The following RNF32 variants were observed in gnomAD, a reference collection of about 807,000 sequenced individuals.
The protein encoded by RNF32 is ring finger protein 32.
In RNF32, 36 loss-of-function variants were observed where a neutral mutation model predicts 41.0. That is an observed-to-expected ratio of 0.88 (90% confidence interval 0.67 to 1.16). RNF32 has a LOEUF of 1.16. RNF32 is among the 50% of genes most tolerant of loss of function. The pLI is 0.00. For missense variants in RNF32, 413 were observed against 436.7 expected, an observed-to-expected ratio of 0.95 and a Z score of 0.48; for synonymous variants, 154 against 160.9, an observed-to-expected ratio of 0.96 and a Z score of 0.32.
chr7:156,655,005 G>T (rs561579687), intron 4 of RNF32: 32 of 230,588 alleles, frequency 1.4e-4, no homozygotes, highest in African/African-American at 7.2e-4. Flanking sequence ...CAACTGGGGG[G>T]CTTCCCAGGA....
In RNF32 at chr7:156,670,867, C is replaced by T. The variant is rs1802329963; in HGVS notation, c.685-4829C>T. Among the ~76,000 whole-genome samples the T allele has an allele frequency of 6.6e-6, 1 of 152,114 alleles. No homozygotes were observed. Among genetic ancestry groups the T allele is most frequent in the Non-Finnish European group, 1.5e-5 (1 of 68,034 alleles). On this transcript the variant is annotated intron_variant, in intron 7 of 8. Transcript: ENST00000317955. This position sits in a 1 kb window ranked among gnomAD's most constrained non-coding sequence, Gnocchi z 4.3. ...CCTTGCATGAGGAAGGAAAATGGCC[C>T]CAGACGGGAAATCTGAGATGTCAGT...
At chr7:156,662,710 G>A (rs1800816162) in intron 7 of RNF32, among the ~76,000 whole-genome samples, 1 of 151,816 alleles carries the variant, frequency 6.6e-6, no homozygotes, top group Non-Finnish European at 1.5e-5. Flanking sequence ...TGCAATAGAA[G>A]TGAAAATATA....
At position 156,675,733 on chromosome 7, in the gene RNF32, A is replaced by C. The variant is rs200222056; in HGVS notation, c.722A>C (p.Asn241Thr). The stretch of plus-strand genomic sequence containing the variant: ...AGCCACCGCATCCTGTGCTCATACA[A>C]CACCAACATTGAAGAGCTCTTTGCA... ...EISHRILCSY[N>T]TNIEELFAEI... The change falls in exon 8 of 9, where the codon AAC (asparagine) becomes ACC (threonine). Residue 241 changes from asparagine (N) to threonine (T), a missense_variant. Physicochemically the swap from Asn to Thr is moderately conservative, Grantham distance 65. Transcript: ENST00000317955. 1.7e-4 allele frequency: 276 copies of C among 1,613,926 alleles called. No homozygotes were observed. The highest frequency in any genetic ancestry group is 2.2e-4 in the Non-Finnish European group (258 of 1,179,980).
chr7:156,663,231 T>A (rs949166676), intron 7 of RNF32, among the ~76,000 whole-genome samples: 2 of 152,228 alleles, frequency 1.3e-5, no homozygotes, highest in African/African-American at 4.8e-5. Context: ...CACATTGTTT[T>A]AGAGAGTAAA....
Position 156,669,603 on chromosome 7 carries a change from T to C in RNF32, c.685-6093T>C, listed in dbSNP as rs1802013616. ...GGCCCTGAGCTGGGCGCTGAGCAGA[T>C]AGGTCATTTTCAAGAGGGCGACCCA... On this transcript the variant is annotated intron_variant, in intron 7 of 8. Coordinates refer to ENST00000317955, the MANE Select transcript of RNF32 (RefSeq NM_030936.4). This position sits in a 1 kb window ranked among gnomAD's most constrained non-coding sequence, Gnocchi z 4.2. Among the ~76,000 whole-genome samples the C allele has an allele frequency of 6.6e-6, 1 of 151,990 alleles. No individual in the cohort carries two copies. Among genetic ancestry groups the C allele is most frequent in the Non-Finnish European group, 1.5e-5 (1 of 67,982 alleles).
Position 156,676,993 on chromosome 7 carries a change from C to T in RNF32, c.*338C>T. ...AGTAAGTTCCAAATGTAAAACACTC[C>T]TTAAGTTCCAAATGTTTTCCGCTAA... is the stretch of plus-strand genomic sequence containing the variant. On this transcript the variant is annotated 3_prime_UTR_variant, in exon 9 of 9. Transcript: ENST00000317955. 1 of 224,144 alleles carries T rather than the reference C, an allele frequency of 4.5e-6. No individual in the cohort carries two copies. The highest frequency in any genetic ancestry group is 1.0e-4 in the East Asian group (1 of 9,932). 13.9% of individuals were successfully genotyped at this position (224,144 alleles called of 1,614,324 possible). A position where few individuals can be genotyped will look rare whatever the true frequency, so the allele number is the denominator to read the frequency against.
At chr7:156,643,764 C>A in intron 1 of RNF32, 37 bp from the exon 2 acceptor site, 1 of 964,038 alleles carries the variant, frequency 1.0e-6, no homozygotes, top group Non-Finnish European at 1.7e-6. Context: ...TTTCTGTGCA[C>A]TGTAACTTTG....
rs1802138673 is a variant in RNF32 at position 156,670,057 on chromosome 7, A to T, written c.685-5639A>T. On this transcript the variant is annotated intron_variant, in intron 7 of 8. Transcript: ENST00000317955. This position sits in a 1 kb window ranked among gnomAD's most constrained non-coding sequence, Gnocchi z 4.3. ...GTTTTTTTTATTTGCTGTTTATTTA[A>T]TGTTATTCTAAGAAAAAATTAAATT... 6.6e-6 allele frequency among the ~76,000 whole-genome samples: 1 copy of T among 152,144 alleles called. No homozygotes were observed. Among genetic ancestry groups the T allele is most frequent in the Non-Finnish European group, 1.5e-5 (1 of 68,014 alleles).
intron 7 of RNF32, among the ~76,000 whole-genome samples, chr7:156,667,882 A>G (rs1378839451): frequency 6.6e-6 from 1 of 152,228 alleles, no homozygotes; most frequent in Non-Finnish European, 1.5e-5. Flanking sequence ...TTTATTAATA[A>G]GCTAATGTCA....
At chr7:156,674,582 T>C (rs765742117) in intron 7 of RNF32, among the ~76,000 whole-genome samples, 2 of 152,144 alleles carry the variant, frequency 1.3e-5, no homozygotes, top group Non-Finnish European at 2.9e-5. Context: ...ACCTTTCTAG[T>C]GTAGGATGGC....
intron 7 of RNF32, chr7:156,659,221 T>G (rs973282993): frequency 9.0e-7 from 1 of 1,108,066 alleles, no homozygotes; most frequent in Non-Finnish European, 1.1e-6. Flanking sequence ...CACTTCTTCC[T>G]GGCAGTGTTG....
chr7:156,658,024 T>A (rs1799994586), intron 5 of RNF32, 104 bp from the exon 6 acceptor site: 7 of 1,207,804 alleles, frequency 5.8e-6, no homozygotes, highest in Non-Finnish European at 7.1e-6. Flanking sequence ...AGTCTCATAG[T>A]TATGGGAGAA....
At chr7:156,642,911 T>A (rs142164681) in intron 1 of RNF32, 2 of 152,218 alleles carry the variant, frequency 1.3e-5, no homozygotes, top group Non-Finnish European at 2.9e-5. Flanking sequence ...AGAAGAAATA[T>A]GTTCAAGGGC....
At chr7:156,651,714 A>G (rs1036134031) in intron 3 of RNF32, among the ~76,000 whole-genome samples, 13 of 152,244 alleles carry the variant, frequency 8.5e-5, no homozygotes, top group African/African-American at 2.9e-4. Flanking sequence ...TCTATATTAC[A>G]GTTTCCTTCT....
chr7:156,658,154 C>T lies in RNF32; in HGVS notation c.477C>T (p.Phe159=), dbSNP rs1317888565. The change falls in exon 6 of 9, where the codon TTC becomes TTT. Residue 159 remains phenylalanine, a synonymous_variant. Transcript: ENST00000317955. The part of the protein sequence containing the change: ...HKACLQAFEK[F]TNKKTCPLCR... ...CATGTCTTCAGGCTTTTGAAAAGTT[C>T]ACAAATAAGAAAACCTGTCCTCTCT... 3.7e-6 allele frequency: 6 copies of T among 1,613,948 alleles called. No individual in the cohort carries two copies. Among genetic ancestry groups the T allele is most frequent in the Non-Finnish European group, 5.1e-6 (6 of 1,179,920 alleles).
chr7:156,670,904 G>A lies in RNF32; in HGVS notation c.685-4792G>A, dbSNP rs935078798. Among the ~76,000 whole-genome samples, 2 of 152,204 alleles carry A rather than the reference G, an allele frequency of 1.3e-5. No individual in the cohort carries two copies. Among genetic ancestry groups the A allele is most frequent in the African/African-American group, 4.8e-5 (2 of 41,442 alleles). On this transcript the variant is annotated intron_variant, in intron 7 of 8. Coordinates refer to ENST00000317955, the MANE Select transcript of RNF32 (RefSeq NM_030936.4). The surrounding 1 kb of genome is among the most constrained non-coding windows in gnomAD (Gnocchi z 4.3). The stretch of plus-strand genomic sequence containing the variant: ...TCTGAGATGTCAGTGGTAAAAATGT[G>A]AGTAAATCTAATAGACATTGATTCC...
At chr7:156,672,739 G>A (rs1390681229) in intron 7 of RNF32, among the ~76,000 whole-genome samples, 1 of 152,228 alleles carries the variant, frequency 6.6e-6, no homozygotes, top group Non-Finnish European at 1.5e-5. Context: ...ATATTTATAT[G>A]TGGCCCGCAC....
chr7:156,665,136 A>C (rs1414924463), intron 7 of RNF32, among the ~76,000 whole-genome samples: 1 of 152,232 alleles, frequency 6.6e-6, no homozygotes, highest in Non-Finnish European at 1.5e-5. Context: ...CTAAATAAGG[A>C]CCAGCTTCAG....
upstream of RNF32, chr7:156,640,497 C>A: frequency 8.6e-6 from 3 of 348,906 alleles, no homozygotes; most frequent in Non-Finnish European, 1.7e-5. Flanking sequence ...CAGGCGATCC[C>A]CAAAAACGCC....
Sources: allele counts gnomAD v4.1 joint callset (sites outside exome capture counted in the v4.1 genomes callset), GRCh38; gene constraint gnomAD v4.1.1; non-coding constraint Gnocchi (gnomAD v3.1); transcripts MANE v1.5; gene names NCBI Gene and HGNC (gene_info 2026-07-23, HGNC 2026-07-21).